Variants in FHIT observed in about 807,000 individuals in gnomAD.
FHIT encodes bis(5'-adenosyl)-triphosphatase.
A neutral mutation model predicts 17.9 loss-of-function variants in FHIT; 19 were observed. That is an observed-to-expected ratio of 1.06 (90% confidence interval 0.74 to 1.56). FHIT has a LOEUF of 1.56. FHIT is among the 40% of genes most tolerant of loss of function. FHIT has a pLI of 0.00. For synonymous variants in FHIT, 81 were observed against 69.7 expected, an observed-to-expected ratio of 1.16 and a Z score of -0.81; for missense variants, 248 against 189.2, an observed-to-expected ratio of 1.31 and a Z score of -1.82.
At chr3:61,162,209 G>C (rs958301203) in intron 2 of FHIT, among the ~76,000 whole-genome samples, 12 of 152,274 alleles carry the variant, frequency 7.9e-5, no homozygotes, top group African/African-American at 2.6e-4. Context: ...TCTGGAGTCT[G>C]TGGCACACCT....
chr3:59,754,308 C>T (rs368781499), intron 8 of FHIT, among the ~76,000 whole-genome samples: 14 of 152,294 alleles, frequency 9.2e-5, no homozygotes, highest in Middle Eastern at 3.4e-3. Flanking sequence ...TGGCTGCCAG[C>T]ACGCTGATTT....
At chr3:60,089,792 C>G (rs768392946) in intron 5 of FHIT, among the ~76,000 whole-genome samples, 1 of 152,156 alleles carries the variant, frequency 6.6e-6, no homozygotes, top group Non-Finnish European at 1.5e-5. Context: ...TTGGCAGCTC[C>G]TTCGGAGGAA....
chr3:59,839,068 G>C (rs957651537), intron 8 of FHIT, among the ~76,000 whole-genome samples: 2 of 152,130 alleles, frequency 1.3e-5, no homozygotes, highest in African/African-American at 2.4e-5. Flanking sequence ...CCCAATCCCA[G>C]CATTTTGGGA....
At chr3:61,024,168 C>T (rs1022612405) in intron 3 of FHIT, among the ~76,000 whole-genome samples, 2 of 151,952 alleles carry the variant, frequency 1.3e-5, no homozygotes, top group Non-Finnish European at 2.9e-5. Flanking sequence ...AATATAACTT[C>T]GCATCTTTTC....
chr3:59,862,627 C>T (rs1370821889), intron 8 of FHIT, among the ~76,000 whole-genome samples: 1 of 152,208 alleles, frequency 6.6e-6, no homozygotes, highest in Non-Finnish European at 1.5e-5. Flanking sequence ...TTTTCTTAGG[C>T]TGGGTTCCTC....
intron 3 of FHIT, among the ~76,000 whole-genome samples, chr3:60,926,288 T>C (rs151050473): frequency 0.044 from 6,761 of 152,244 alleles, 510 homozygotes; most frequent in African/African-American, 0.15. Context: ...TATTCCAAAA[T>C]TGACTACATA....
intron 5 of FHIT, among the ~76,000 whole-genome samples, chr3:60,189,400 G>A (rs116197693): frequency 0.035 from 5,300 of 152,122 alleles, 291 homozygotes; most frequent in African/African-American, 0.12. Context: ...GTTTTAATTT[G>A]AGTATCATTT....
At chr3:59,808,093 A>ACC (rs57955915) in intron 8 of FHIT, among the ~76,000 whole-genome samples, 2 of 151,052 alleles carry the variant, frequency 1.3e-5, no homozygotes, top group African/African-American at 4.9e-5. Flanking sequence ...CCTTTCCCCT[A>ACC]CCCCCCCAGT....
In FHIT at chr3:61,059,372, C is replaced by CTTT. The variant is rs201797361; in HGVS notation, c.-163-17276_-163-17274dup. On this transcript the variant is annotated intron_variant, in intron 2 of 9. Coordinates refer to ENST00000492590, the MANE Select transcript of FHIT (RefSeq NM_002012.4). Reference sequence around the variant, plus strand: ...TGTGGCTTTTTTTCTTTGCTTTTTCCTTTTTTTTTTTTTTTTTTTTTTTGC... The same window carrying CTTT: ...TGTGGCTTTTTTTCTTTGCTTTTTCCTTTTTTTTTTTTTTTTTTTTTTTTTTGC... 3.3e-3 allele frequency among the ~76,000 whole-genome samples: 368 copies of CTTT among 113,196 alleles called. 4 individuals are homozygous for CTTT. Among genetic ancestry groups the CTTT allele is most frequent in the African/African-American group, 0.011 (321 of 30,204 alleles). The allele number at this position is 113,196 out of a possible 152,430, so 74.3% of individuals were successfully genotyped here.
intron 5 of FHIT, among the ~76,000 whole-genome samples, chr3:60,073,197 T>C (rs1446811394): frequency 6.6e-6 from 1 of 152,146 alleles, no homozygotes; most frequent in Non-Finnish European, 1.5e-5. Context: ...CCATATGATG[T>C]TTAAAAATAA....
chr3:60,461,165 T>G (rs1461359620), intron 5 of FHIT, among the ~76,000 whole-genome samples: 1 of 152,174 alleles, frequency 6.6e-6, no homozygotes, highest in African/African-American at 2.4e-5. Flanking sequence ...ATTCTGTAAG[T>G]GCCAAAAACT....
At chr3:60,038,194 T>C (rs1218999165) in intron 5 of FHIT, among the ~76,000 whole-genome samples, 1 of 152,218 alleles carries the variant, frequency 6.6e-6, no homozygotes, top group African/African-American at 2.4e-5. Flanking sequence ...GTACACATAA[T>C]TTATACTCTT....
At position 60,408,153 on chromosome 3, in the gene FHIT, C is replaced by A. The variant is rs1025258896; in HGVS notation, c.103+128707G>T. 3.3e-5 allele frequency among the ~76,000 whole-genome samples: 5 copies of A among 152,144 alleles called. No homozygotes were observed. The South Asian group carries it at 8.3e-4, about 25-fold the overall frequency. ...CACACAGGCACATTAATTCTATAAA[C>A]ATTCTTTTCAAGGAAGCTGCCTGGA... On this transcript the variant is annotated intron_variant, in intron 5 of 9. Coordinates refer to ENST00000492590, the MANE Select transcript of FHIT (RefSeq NM_002012.4).
At chr3:60,001,784 G>A (rs1037648062) in intron 7 of FHIT, among the ~76,000 whole-genome samples, 3 of 152,100 alleles carry the variant, frequency 2.0e-5, no homozygotes, top group Admixed American at 2.0e-4. Context: ...GCAGAGCTTG[G>A]AGTCACATTT....
intron 4 of FHIT, among the ~76,000 whole-genome samples, chr3:60,631,551 G>A (rs2226974): frequency 6.6e-6 from 1 of 152,062 alleles, no homozygotes; most frequent in Non-Finnish European, 1.5e-5. Flanking sequence ...TAGAACAAGA[G>A]GAAAAAAATT....
intron 4 of FHIT, among the ~76,000 whole-genome samples, chr3:60,781,552 A>AT (rs1553725702): frequency 6.6e-6 from 1 of 152,168 alleles, no homozygotes; most frequent in Non-Finnish European, 1.5e-5. Flanking sequence ...GTTCTTCACT[A>AT]TTTTTCAACT....
intron 4 of FHIT, among the ~76,000 whole-genome samples, chr3:60,645,437 G>A (rs2039832228): frequency 6.6e-6 from 1 of 152,174 alleles, no homozygotes; most frequent in East Asian, 1.9e-4. Context: ...ATAATTCAGA[G>A]CTTTCTGATT....
At chr3:61,053,513 C>A (rs1445368100) in intron 2 of FHIT, among the ~76,000 whole-genome samples, 17 of 151,928 alleles carry the variant, frequency 1.1e-4, no homozygotes, top group Admixed American at 1.1e-3. Context: ...ACAAAATTAG[C>A]CGGGTGTGGT....
intron 2 of FHIT, among the ~76,000 whole-genome samples, chr3:61,116,101 G>A (rs1353995738): frequency 6.6e-6 from 1 of 151,900 alleles, no homozygotes; most frequent in East Asian, 1.9e-4. Flanking sequence ...CAGGTAACTA[G>A]CCCATCAGTT....
Sources: allele counts gnomAD v4.1 joint callset (sites outside exome capture counted in the v4.1 genomes callset), GRCh38; gene constraint gnomAD v4.1.1; transcripts MANE v1.5; gene names NCBI Gene and HGNC (gene_info 2026-07-23, HGNC 2026-07-21).